The following ARHGEF3 variants were observed in gnomAD, a reference collection of about 807,000 sequenced individuals.
ARHGEF3 encodes the protein Rho guanine nucleotide exchange factor 3.
Under a neutral mutation model 63.2 loss-of-function variants are expected in ARHGEF3, and 28 were observed. The observed-to-expected ratio is 0.44, with a 90% CI of 0.33 to 0.61. ARHGEF3 has a LOEUF of 0.61. Among genes scored for constraint, ARHGEF3 ranks in the 20% least tolerant of loss-of-function variants. The probability of loss-of-function intolerance (pLI) is 0.03; values close to 1 mark genes in which losing one functional copy is unlikely to be tolerated. For missense variants in ARHGEF3, 533 were observed against 659.3 expected (o/e 0.81, Z 2.10); for synonymous variants, 266 against 254.2 (o/e 1.05, Z -0.44).
chr3:56,793,918 T>C (rs1379150541), intron 1 of ARHGEF3, among the ~76,000 whole-genome samples: 1 of 152,224 alleles, frequency 6.6e-6, no homozygotes, highest in Non-Finnish European at 1.5e-5. Flanking sequence ...CTAAAAGAAA[T>C]CCTGTTTGTT....
chr3:56,832,028 C>T (rs986971084), intron 4 of ARHGEF3, among the ~76,000 whole-genome samples: 2 of 152,190 alleles, frequency 1.3e-5, no homozygotes, highest in East Asian at 1.9e-4. Context: ...TGACTTTGGT[C>T]GAGAGGGGCC....
intron 4 of ARHGEF3, among the ~76,000 whole-genome samples, chr3:56,845,410 A>G (rs2039455112): frequency 6.6e-6 from 1 of 152,230 alleles, no homozygotes; most frequent in African/African-American, 2.4e-5. Flanking sequence ...GAGAAATCAT[A>G]TACAGCCTGG....
intron 2 of ARHGEF3, among the ~76,000 whole-genome samples, chr3:57,013,049 G>A (rs566783164): frequency 5.2e-4 from 79 of 152,300 alleles, no homozygotes; most frequent in African/African-American, 1.6e-3. Flanking sequence ...CAGCACTGCC[G>A]GCCGGCCTGC....
rs541110447 is a variant in ARHGEF3 at position 57,043,908 on chromosome 3, T to G, written c.-27-8732A>C. Among the ~76,000 whole-genome samples, 155 of 152,348 alleles carry G rather than the reference T, an allele frequency of 1.0e-3. 4 individuals are homozygous for G. The South Asian group carries it at 0.031, about 31-fold the overall frequency. ...TTATATTTGCATTTCTACTCCATCA[T>G]CCCTGGACGCCAAACACTATGGAGG... is the stretch of plus-strand genomic sequence containing the variant. On this transcript the variant is annotated intron_variant, in intron 1 of 12. Transcript: ENST00000338458.
At chr3:56,857,857 A>G (rs1342884248) in intron 4 of ARHGEF3, among the ~76,000 whole-genome samples, 1 of 152,218 alleles carries the variant, frequency 6.6e-6, no homozygotes, top group Non-Finnish European at 1.5e-5. Flanking sequence ...GGTTCAAGCT[A>G]TGCCCAGTTA....
rs1353622764 is a variant in ARHGEF3, at chr3:56,729,414, T to C, written c.1437A>G (p.Gly479=). 1.2e-6 allele frequency: 2 copies of C among 1,614,068 alleles called. No homozygotes were observed. Among genetic ancestry groups the C allele is most frequent in the East Asian group, 4.5e-5 (2 of 44,880 alleles). The change falls in exon 10 of 10, where the codon GGA becomes GGG. Residue 479 remains glycine (G), a synonymous_variant. Coordinates refer to ENST00000296315, the MANE Select transcript of ARHGEF3 (RefSeq NM_019555.3). The part of the protein sequence containing the change: ...NPTTGSRELQ[G]ETKLEQMDQS... ...GGTCCATCTGCTCAAGTTTTGTTTC[T>C]CCCTGTAGCTCTCTGCTCCCGGTGG...
chr3:56,773,762 G>T lies in ARHGEF3; in HGVS notation c.151C>A (p.Leu51Ile), dbSNP rs1435107323. The T allele has an allele frequency of 6.2e-7, 1 of 1,602,110 alleles. No individual in the cohort carries two copies. The highest frequency in any genetic ancestry group is 8.5e-7 in the Non-Finnish European group (1 of 1,175,574). ...PLSRVTSLANLIPPVKATPLK... is the reference protein window; with the variant it reads ...PLSRVTSLANIIPPVKATPLK... ...GGCGTGGCCTTCACGGGCGGGATGAGGTTTGCTAGCGACGTGACTCGGGAA... is the reference window on the plus strand; with the variant it reads ...GGCGTGGCCTTCACGGGCGGGATGATGTTTGCTAGCGACGTGACTCGGGAA... The change falls in exon 2 of 10, where the codon CTC becomes ATC. Residue 51 changes from leucine (L) to isoleucine (I), a missense_variant. Leu to Ile is a conservative substitution (Grantham distance 5). This residue lies in a region of ARHGEF3 where 160 missense variants were observed against 157.3 expected (regional missense o/e 1.02). Transcript: ENST00000296315.
intron 2 of ARHGEF3, among the ~76,000 whole-genome samples, chr3:57,024,452 A>C (rs1016299100): frequency 6.7e-6 from 1 of 149,272 alleles, no homozygotes; most frequent in Admixed American, 6.6e-5. Context: ...GTAATAAAAC[A>C]AAAAAAAATC....
chr3:56,821,041 T>C (rs975738481), intron 4 of ARHGEF3, among the ~76,000 whole-genome samples: 3 of 151,630 alleles, frequency 2.0e-5, no homozygotes, highest in Non-Finnish European at 2.9e-5. Context: ...TGCATGCCTG[T>C]AATCCCAGCT....
intron 2 of ARHGEF3, among the ~76,000 whole-genome samples, chr3:57,004,034 C>A (rs1222006118): frequency 3.3e-5 from 5 of 152,202 alleles, no homozygotes; most frequent in Non-Finnish European, 7.3e-5. Flanking sequence ...TGACCCTGAC[C>A]CCAGTCCTTG....
At chr3:56,740,271 A>T (rs889946463) in intron 7 of ARHGEF3, among the ~76,000 whole-genome samples, 5 of 30,114 alleles carry the variant, frequency 1.7e-4, no homozygotes, top group Non-Finnish European at 2.3e-4. Context: ...ACTTTGATTT[A>T]AAAAAAAAAA....
At chr3:56,767,439 C>T (rs2035764822) in intron 2 of ARHGEF3, among the ~76,000 whole-genome samples, 1 of 151,670 alleles carries the variant, frequency 6.6e-6, no homozygotes, top group African/African-American at 2.4e-5. Flanking sequence ...AAAAAATTAG[C>T]CGGGCGTGGT....
chr3:56,862,134 T>C (rs1334081024), intron 4 of ARHGEF3, among the ~76,000 whole-genome samples: 3 of 151,864 alleles, frequency 2.0e-5, no homozygotes, highest in Non-Finnish European at 4.4e-5. Flanking sequence ...TTTGGGACTT[T>C]AAAAGGAATG....
intron 6 of ARHGEF3, among the ~76,000 whole-genome samples, chr3:56,747,811 G>A (rs944134218): frequency 6.6e-6 from 1 of 152,132 alleles, no homozygotes; most frequent in Non-Finnish European, 1.5e-5. Context: ...GCGACAGAGA[G>A]AGACTGTCTC....
chr3:56,817,095 G>A (rs1479767089), intron 4 of ARHGEF3, among the ~76,000 whole-genome samples: 1 of 152,164 alleles, frequency 6.6e-6, no homozygotes, highest in Non-Finnish European at 1.5e-5. Flanking sequence ...AGAGCACAGT[G>A]TGCTCTTCCA....
intron 2 of ARHGEF3, chr3:57,035,000 G>A: frequency 8.9e-7 from 1 of 1,129,462 alleles, no homozygotes; most frequent in Non-Finnish European, 1.2e-6. Context: ...GACTTATGTA[G>A]GCTTAAAGGA....
At chr3:56,932,866 G>A (rs998584768) in intron 3 of ARHGEF3, among the ~76,000 whole-genome samples, 34 of 152,086 alleles carry the variant, frequency 2.2e-4, no homozygotes, top group African/African-American at 7.2e-4. Flanking sequence ...GACCTGCTGA[G>A]GTCAATGATT....
intron 2 of ARHGEF3, among the ~76,000 whole-genome samples, chr3:56,772,249 A>G (rs536215438): frequency 6.6e-6 from 1 of 152,314 alleles, no homozygotes; most frequent in East Asian, 1.9e-4. Flanking sequence ...AGGGCAGGGG[A>G]AAAGCAATGG....
intron 2 of ARHGEF3, among the ~76,000 whole-genome samples, chr3:56,999,026 T>C (rs893201297): frequency 6.6e-6 from 1 of 151,950 alleles, no homozygotes; most frequent in African/African-American, 2.4e-5. Context: ...ACAGATAAAG[T>C]AGTAAGAATT....
Sources: gnomAD v4.1 joint callset for allele counts (sites outside exome capture counted in the v4.1 genomes callset) on GRCh38, gnomAD v4.1.1 for gene constraint, gnomAD v4.1.1 regional missense constraint, MANE v1.5 for transcripts, NCBI Gene and HGNC (gene_info 2026-07-23, HGNC 2026-07-21) for gene names.